Variants in KATNBL1 observed in about 807,000 individuals in gnomAD.
KATNBL1 encodes the protein KATNB1-like protein 1.
A neutral mutation model predicts 44.7 loss-of-function variants in KATNBL1; 28 were observed. The observed-to-expected ratio is 0.63, with a 90% CI of 0.46 to 0.86. The LOEUF (loss-of-function observed/expected upper bound fraction) is 0.86. Ranked by LOEUF, KATNBL1 falls within the 40% of genes least tolerant of loss-of-function variation. The pLI is 0.00. For missense variants in KATNBL1, 272 were observed against 350.7 expected, an observed-to-expected ratio of 0.78 and a Z score of 1.79; for synonymous variants, 78 against 114.9, an observed-to-expected ratio of 0.68 and a Z score of 2.06.
At chr15:34,158,529 G>T (rs1888705875) in intron 2 of KATNBL1, among the ~76,000 whole-genome samples, 2 of 152,166 alleles carry the variant, frequency 1.3e-5, no homozygotes, top group South Asian at 2.1e-4. Context: ...ATGGACAACA[G>T]CTATTTCTTC....
chr15:34,149,763 G>C (rs901362255), intron 4 of KATNBL1, among the ~76,000 whole-genome samples: 5 of 152,324 alleles, frequency 3.3e-5, no homozygotes, highest in African/African-American at 1.2e-4. Context: ...GCCTGGCATA[G>C]TGCTGTGTGC....
chr15:34,157,077 T>C (rs1460022673), intron 2 of KATNBL1, among the ~76,000 whole-genome samples: 1 of 152,172 alleles, frequency 6.6e-6, no homozygotes, highest in Admixed American at 6.5e-5. Flanking sequence ...AAGATACTTT[T>C]CTGAAGTGGA....
At chr15:34,201,699 T>G (rs986465247) in intron 1 of KATNBL1, among the ~76,000 whole-genome samples, 1 of 152,176 alleles carries the variant, frequency 6.6e-6, no homozygotes, top group African/African-American at 2.4e-5. Flanking sequence ...TCTGGAAATA[T>G]TCAACAGGGA....
intron 1 of KATNBL1, among the ~76,000 whole-genome samples, chr15:34,197,816 C>T (rs912009057): frequency 3.3e-5 from 5 of 152,140 alleles, no homozygotes; most frequent in East Asian, 3.9e-4. Context: ...GGCATGATCT[C>T]GGCTTACTGC....
intron 1 of KATNBL1, chr15:34,165,867 C>G (rs184616965): frequency 2.4e-4 from 37 of 152,178 alleles, no homozygotes; most frequent in Admixed American, 2.2e-3. Flanking sequence ...AAAGCCAGAT[C>G]CTAAATTGGC....
intron 1 of KATNBL1, among the ~76,000 whole-genome samples, chr15:34,179,384 G>A (rs1162339961): frequency 6.6e-6 from 1 of 152,162 alleles, no homozygotes; most frequent in Non-Finnish European, 1.5e-5. Flanking sequence ...TCATGACAGA[G>A]CCCTCATGAC....
chr15:34,189,511 T>G (rs78661970), intron 1 of KATNBL1, among the ~76,000 whole-genome samples: 16,797 of 152,250 alleles, frequency 0.11, 1,107 homozygotes, highest in Non-Finnish European at 0.15. Flanking sequence ...GAACTTGCAA[T>G]TTTGCTTTCG....
intron 1 of KATNBL1, among the ~76,000 whole-genome samples, chr15:34,190,224 G>A (rs747940059): frequency 2.0e-5 from 3 of 152,168 alleles, no homozygotes; most frequent in African/African-American, 7.2e-5. Flanking sequence ...GATTACAGGC[G>A]TGAGCCACCG....
In KATNBL1 at chr15:34,191,154, C is replaced by CAT. The variant is rs57428240; in HGVS notation, c.-15+18795_-15+18796dup. 3.1e-3 allele frequency among the ~76,000 whole-genome samples: 428 copies of CAT among 136,120 alleles called. 2 individuals are homozygous for CAT. The highest frequency in any genetic ancestry group is 7.6e-3 in the African/African-American group (286 of 37,876). The allele number at this position is 136,120 out of a possible 152,430, so 89.3% of individuals were successfully genotyped here. ...CAAAAATTTCATATAAATCATAGAC[C>CAT]ATATATATATATATATATATATATA... On this transcript the variant is annotated intron_variant, in intron 1 of 9. Coordinates refer to ENST00000256544, the MANE Select transcript of KATNBL1 (RefSeq NM_024713.3).
Position 34,181,828 on chromosome 15 carries a change from A to ATAG in KATNBL1, c.-14-18139_-14-18138insCTA, listed in dbSNP as rs1555529416. On this transcript the variant is annotated intron_variant, in intron 1 of 9. Coordinates refer to ENST00000256544, the MANE Select transcript of KATNBL1 (RefSeq NM_024713.3). ...TATACATATATACATGTCCATATAT[A>ATAG]TCCATATATATACACATATATATAG... 6.6e-4 allele frequency among the ~76,000 whole-genome samples: 63 copies of ATAG among 95,656 alleles called. 5 individuals carry two copies. The highest frequency in any genetic ancestry group is 5.7e-3 in the South Asian group (15 of 2,626). The allele number at this position is 95,656 out of a possible 152,430, so 62.8% of individuals were successfully genotyped here. A position where few individuals can be genotyped will look rare whatever the true frequency, so the allele number is the denominator to read the frequency against.
Position 34,189,103 on chromosome 15 carries a change from TCAC to T in KATNBL1, c.-15+20845_-15+20847del, listed in dbSNP as rs370568101. Among the ~76,000 whole-genome samples the T allele has an allele frequency of 2.1e-3, 316 of 152,108 alleles. 1 individual carries two copies. The highest frequency in any genetic ancestry group is 7.1e-3 in the African/African-American group (296 of 41,474). The stretch of plus-strand genomic sequence containing the variant: ...TGGAGTGCAGTGGTGTGATCTCGGC[TCAC>T]CACAACCTCTGCCTCCCGGGTTCAA... On this transcript the variant is annotated intron_variant, in intron 1 of 9. Transcript: ENST00000256544.
intron 2 of KATNBL1, among the ~76,000 whole-genome samples, chr15:34,163,133 G>A (rs988190358): frequency 2.8e-5 from 4 of 145,078 alleles, no homozygotes; most frequent in Admixed American, 7.0e-5. Context: ...AACTTCCACC[G>A]CCCGGGTTCA....
chr15:34,207,937 A>G (rs1250185353), intron 1 of KATNBL1, among the ~76,000 whole-genome samples: 1 of 152,102 alleles, frequency 6.6e-6, no homozygotes, highest in East Asian at 1.9e-4. Flanking sequence ...AAATCCTGCA[A>G]TTGTTAGTTT....
chr15:34,188,367 C>A (rs145162903), intron 1 of KATNBL1, among the ~76,000 whole-genome samples: 349 of 151,794 alleles, frequency 2.3e-3, no homozygotes, highest in African/African-American at 8.2e-3. Flanking sequence ...ATCAGCCTGG[C>A]CAACATGATG....
At chr15:34,183,892 G>C (rs1398359783) in intron 1 of KATNBL1, among the ~76,000 whole-genome samples, 3 of 152,152 alleles carry the variant, frequency 2.0e-5, no homozygotes, top group Non-Finnish European at 4.4e-5. Context: ...AAACTCGGCT[G>C]GGTGCGGTGG....
intron 1 of KATNBL1, among the ~76,000 whole-genome samples, chr15:34,164,974 A>T (rs1013995108): frequency 6.6e-6 from 1 of 152,254 alleles, no homozygotes; most frequent in Non-Finnish European, 1.5e-5. Flanking sequence ...GAACATACAC[A>T]TGAAATTTTA....
At chr15:34,154,598 A>G in intron 3 of KATNBL1, 46 bp downstream of exon 3, 3 of 1,190,264 alleles carry the variant, frequency 2.5e-6, no homozygotes, top group Non-Finnish European at 3.8e-6. Context: ...ATCCTTACCC[A>G]GCTTTCATAT....
intron 1 of KATNBL1, among the ~76,000 whole-genome samples, chr15:34,193,944 C>T (rs1027136260): frequency 2.1e-5 from 3 of 141,580 alleles, no homozygotes; most frequent in Admixed American, 1.5e-4. Context: ...TTTTCTTTGT[C>T]GTTTTTTATT....
chr15:34,164,249 G>A (rs925181742), intron 1 of KATNBL1, among the ~76,000 whole-genome samples: 1 of 151,790 alleles, frequency 6.6e-6, no homozygotes, highest in African/African-American at 2.4e-5. Flanking sequence ...ATTTTTTTGT[G>A]CCAAAGCAAC....
Sources: allele counts gnomAD v4.1 joint callset (sites outside exome capture counted in the v4.1 genomes callset), GRCh38; gene constraint gnomAD v4.1.1; transcripts MANE v1.5; gene names NCBI Gene and HGNC (gene_info 2026-07-23, HGNC 2026-07-21).